Variants in GGPS1 observed in about 807,000 individuals in gnomAD.
The protein encoded by GGPS1 is geranylgeranyl diphosphate synthase 1.
Under a neutral mutation model 28.1 loss-of-function variants are expected in GGPS1, and 15 were observed. That is an observed-to-expected ratio of 0.53 (90% CI 0.36 to 0.82). The LOEUF is 0.82. GGPS1 is among the 40% of genes least tolerant of loss of function. The probability of loss-of-function intolerance (pLI) is 0.01; values close to 1 mark genes in which losing one functional copy is unlikely to be tolerated. For synonymous variants in GGPS1, 138 were observed against 122.4 expected, an observed-to-expected ratio of 1.13 and a Z score of -0.84; for missense variants, 284 against 348.3, an observed-to-expected ratio of 0.82 and a Z score of 1.47.
upstream of GGPS1, chr1:235,327,253 A>C (rs1675354188): frequency 9.2e-6 from 2 of 218,506 alleles, no homozygotes; most frequent in African/African-American, 2.3e-5. Flanking sequence ...GAAACTCACA[A>C]CAAGCCCGGC....
intron 1 of GGPS1, among the ~76,000 whole-genome samples, chr1:235,333,913 A>G (rs1468352687): frequency 6.6e-6 from 1 of 152,184 alleles, no homozygotes; most frequent in Admixed American, 6.5e-5. Flanking sequence ...AACTTCCCAA[A>G]ATGTGCCAAA....
intron 1 of GGPS1, among the ~76,000 whole-genome samples, chr1:235,331,629 GC>G (rs1430372688): frequency 1.4e-5 from 2 of 145,354 alleles, no homozygotes; most frequent in Admixed American, 6.8e-5. Flanking sequence ...CATACACCGG[GC>G]TTTTTTTTTT....
chr1:235,339,741 C>G (rs908500212), intron 2 of GGPS1, among the ~76,000 whole-genome samples: 3 of 144,786 alleles, frequency 2.1e-5, no homozygotes, highest in African/African-American at 7.6e-5. Flanking sequence ...GCCTGGGTGA[C>G]AAGAGCGAAA....
intron 3 of GGPS1, 60 bp from the exon 4 acceptor site, chr1:235,341,951 A>G: frequency 9.2e-7 from 1 of 1,081,454 alleles, no homozygotes; most frequent in Admixed American, 2.5e-5. Flanking sequence ...ATAATCTGTT[A>G]ATTAAACTGA....
chr1:235,333,429 C>T (rs1324303298), intron 1 of GGPS1, among the ~76,000 whole-genome samples: 2 of 151,780 alleles, frequency 1.3e-5, no homozygotes, highest in Non-Finnish European at 2.9e-5. Flanking sequence ...ATTAGCTGGG[C>T]GTGGTGGCAA....
intron 2 of GGPS1, among the ~76,000 whole-genome samples, chr1:235,340,170 G>A (rs992528719): frequency 6.6e-6 from 1 of 152,172 alleles, no homozygotes; most frequent in Non-Finnish European, 1.5e-5. Context: ...TGAGCTTTCC[G>A]TGTAAGAAAA....
intron 2 of GGPS1, among the ~76,000 whole-genome samples, chr1:235,338,330 C>G (rs893499227): frequency 6.6e-6 from 1 of 151,158 alleles, no homozygotes; most frequent in Non-Finnish European, 1.5e-5. Context: ...TGCAGTAAGC[C>G]AAGATCACAC....
chr1:235,340,443 C>CA (rs1275964783), intron 2 of GGPS1, among the ~76,000 whole-genome samples: 50 of 143,158 alleles, frequency 3.5e-4, no homozygotes, highest in African/African-American at 1.0e-3. Context: ...GACCCTGTCT[C>CA]AAAAAAAAAA....
At chr1:235,331,779 TATC>T (rs892078848) in intron 1 of GGPS1, among the ~76,000 whole-genome samples, 41 of 152,174 alleles carry the variant, frequency 2.7e-4, no homozygotes, top group African/African-American at 9.7e-4. Context: ...AGCCACCCAT[TATC>T]ATGTGCTTAC....
chr1:235,329,641 AC>A (rs1675627684), intron 1 of GGPS1: 1 of 152,412 alleles, frequency 6.6e-6, no homozygotes, highest in African/African-American at 2.4e-5. Context: ...AATATGAAGA[AC>A]TGAGCCTGGA....
intron 2 of GGPS1, among the ~76,000 whole-genome samples, chr1:235,341,345 C>T (rs1044182174): frequency 6.6e-6 from 1 of 152,120 alleles, no homozygotes; most frequent in Non-Finnish European, 1.5e-5. Context: ...AATAAATAAA[C>T]TAGCTTCCTT....
chr1:235,341,841 C>T (rs1676053565), intron 3 of GGPS1, 63 bp downstream of exon 3: 2 of 1,035,564 alleles, frequency 1.9e-6, no homozygotes, highest in Non-Finnish European at 3.0e-6. Context: ...TAAAAATATT[C>T]CTAGTTCTTG....
chr1:235,342,586 A>G lies in GGPS1; in HGVS notation c.717A>G (p.Glu239=), dbSNP rs767359860. 1 of 1,611,572 alleles carries G rather than the reference A, an allele frequency of 6.2e-7. No individual in the cohort carries two copies. Among genetic ancestry groups the G allele is most frequent in the African/African-American group, 1.3e-5 (1 of 75,014 alleles). The change falls in exon 4 of 4, where the codon GAA becomes GAG. Residue 239 remains glutamate, a synonymous_variant. Coordinates refer to ENST00000282841, the MANE Select transcript of GGPS1 (RefSeq NM_004837.4). The part of the protein sequence containing the change: ...QVQNILRQRT[E]NIDIKKYCVH... ...AGAATATCTTGCGCCAGAGAACAGA[A>G]AACATAGATATAAAAAAATACTGTG...
intron 2 of GGPS1, among the ~76,000 whole-genome samples, chr1:235,336,508 T>C (rs892067828): frequency 6.6e-6 from 1 of 152,172 alleles, no homozygotes; most frequent in African/African-American, 2.4e-5. Context: ...ATAGACATAA[T>C]ATAGGCCAGG....
At chr1:235,333,067 C>CAAAAAAAA (rs5781828) in intron 1 of GGPS1, among the ~76,000 whole-genome samples, 1 of 43,318 alleles carries the variant, frequency 2.3e-5, no homozygotes, top group African/African-American at 1.2e-4. Flanking sequence ...GACTCCGTCT[C>CAAAAAAAA]AAAAAAAAAA....
intron 3 of GGPS1, 27 bp downstream of exon 3, chr1:235,341,805 T>C: frequency 1.5e-6 from 2 of 1,308,874 alleles, no homozygotes; most frequent in Non-Finnish European, 2.2e-6. Flanking sequence ...ACCTCATTAA[T>C]CCCCAAGAAA....
In GGPS1 at chr1:235,342,152, G is replaced by A. The variant is rs1034239262; in HGVS notation, c.283G>A (p.Val95Met). The change falls in exon 4 of 4, where the codon GTG (valine) becomes ATG (methionine). Residue 95 changes from valine (V) to methionine (M), a missense_variant. Transcript: ENST00000282841. ...ATCTGTCATCAATTCTGCCAATTACGTGTATTTCCTTGGCTTGGAGAAAGT... is the reference window on the plus strand; with the variant it reads ...ATCTGTCATCAATTCTGCCAATTACATGTATTTCCTTGGCTTGGAGAAAGT... The part of the protein sequence containing the change: ...IPSVINSANY[V>M]YFLGLEKVLT... The A allele has an allele frequency of 7.4e-6, 12 of 1,613,900 alleles. No individual in the cohort carries two copies. Among genetic ancestry groups the A allele is most frequent in the Middle Eastern group, 1.6e-4 (1 of 6,084 alleles).
chr1:235,342,259 T>C lies in GGPS1; in HGVS notation c.390T>C (p.Ile130=), dbSNP rs2103351285. 1 of 1,614,120 alleles carries C rather than the reference T, an allele frequency of 6.2e-7. No individual in the cohort carries two copies. The highest frequency in any genetic ancestry group is 2.2e-5 in the East Asian group (1 of 44,886). ...LELHQGQGLD[I]YWRDNYTCPT... ...TCCATCAGGGACAAGGCCTAGATAT[T>C]TACTGGAGGGATAATTACACTTGTC... Residue 130 remains isoleucine, a synonymous_variant, in exon 4 of 4, where the codon ATT becomes ATC. Coordinates refer to ENST00000282841, the MANE Select transcript of GGPS1 (RefSeq NM_004837.4).
chr1:235,334,640 T>G (rs1027604227), intron 1 of GGPS1, among the ~76,000 whole-genome samples: 1 of 152,250 alleles, frequency 6.6e-6, no homozygotes, highest in African/African-American at 2.4e-5. Context: ...GTAGATTGGC[T>G]TATTCTGAAC....
Sources: gnomAD v4.1 joint callset for allele counts (sites outside exome capture counted in the v4.1 genomes callset) on GRCh38, gnomAD v4.1.1 for gene constraint, MANE v1.5 for transcripts, NCBI Gene and HGNC (gene_info 2026-07-23, HGNC 2026-07-21) for gene names.